DCC: variants seen among roughly 807,000 people sequenced by gnomAD.
DCC encodes the protein DCC netrin 1 receptor, also known as netrin receptor DCC.
DCC carries 58 observed loss-of-function variants against 172.5 expected under a neutral mutation model. The observed-to-expected ratio is 0.34, with a 90% CI of 0.27 to 0.42. The LOEUF (loss-of-function observed/expected upper bound fraction) is 0.42, where lower values mean the gene tolerates loss of function less well. Ranked by LOEUF, DCC falls within the 10% of genes least tolerant of loss-of-function variation. DCC has a pLI of 1.00. For missense variants in DCC, 1,740 were observed against 1,791.0 expected, an observed-to-expected ratio of 0.97 and a Z score of 0.51; for synonymous variants, 709 against 644.5, an observed-to-expected ratio of 1.10 and a Z score of -1.52.
chr18:53,009,565 CTTTT>C (rs112501372), intron 5 of DCC, among the ~76,000 whole-genome samples: 2 of 150,616 alleles, frequency 1.3e-5, no homozygotes, highest in African/African-American at 4.9e-5. Context: ...AGTTAGGTGA[CTTTT>C]TTTTTAGGCC....
intron 7 of DCC, among the ~76,000 whole-genome samples, chr18:53,069,272 G>A (rs750518799): frequency 5.3e-5 from 8 of 152,132 alleles, no homozygotes; most frequent in Admixed American, 2.6e-4. Context: ...AGTTGCTTTC[G>A]CCTCCACACT....
intron 1 of DCC, among the ~76,000 whole-genome samples, chr18:52,647,043 T>C (rs926440971): frequency 6.6e-6 from 1 of 152,236 alleles, no homozygotes; most frequent in Non-Finnish European, 1.5e-5. Context: ...ATGGGTTTTA[T>C]GAGTTCTGTG....
At chr18:53,000,723 A>G (rs2041552253) in intron 5 of DCC, among the ~76,000 whole-genome samples, 1 of 151,468 alleles carries the variant, frequency 6.6e-6, no homozygotes, top group African/African-American at 2.4e-5. Flanking sequence ...ACTCAGTCAG[A>G]GCCAGTAATA....
chr18:52,766,108 G>A (rs374425779), intron 2 of DCC, among the ~76,000 whole-genome samples: 20 of 152,258 alleles, frequency 1.3e-4, no homozygotes, highest in African/African-American at 3.4e-4. Context: ...AGAACCAGTC[G>A]GCCATTTTGG....
At chr18:52,518,300 G>T (rs988096016) in intron 1 of DCC, among the ~76,000 whole-genome samples, 1 of 152,182 alleles carries the variant, frequency 6.6e-6, no homozygotes, top group Non-Finnish European at 1.5e-5. Flanking sequence ...CCATGTGCTG[G>T]GAGGGGTCAG....
intron 9 of DCC, among the ~76,000 whole-genome samples, chr18:53,196,633 G>A (rs1385763217): frequency 6.6e-6 from 1 of 151,936 alleles, no homozygotes; most frequent in Non-Finnish European, 1.5e-5. Flanking sequence ...ATATACATAT[G>A]TGTGTACAAA....
chr18:52,435,353 C>G (rs1224881702), intron 1 of DCC, among the ~76,000 whole-genome samples: 1 of 152,040 alleles, frequency 6.6e-6, no homozygotes, highest in East Asian at 1.9e-4. Context: ...TCCCTTGTAC[C>G]CCACTTAGCC....
rs1322440368 is a variant in DCC at position 53,303,708 on chromosome 18, G to A, written c.1912-1870G>A. On this transcript the variant is annotated intron_variant, in intron 12 of 28. Coordinates refer to ENST00000442544, the MANE Select transcript of DCC (RefSeq NM_005215.4). ...AGCACTTTTGGTCTCTGAGCCCACAGTAGCATCTAGGGGTTGCTGTCTGTG... is the reference window on the plus strand; with the variant it reads ...AGCACTTTTGGTCTCTGAGCCCACAATAGCATCTAGGGGTTGCTGTCTGTG... Among the ~76,000 whole-genome samples the A allele has an allele frequency of 2.6e-5, 4 of 152,136 alleles. No individual in the cohort carries two copies. In the South Asian group the frequency reaches 8.3e-4, roughly 31 times the overall value.
intron 11 of DCC, among the ~76,000 whole-genome samples, chr18:53,209,008 A>G (rs113920742): frequency 1.3e-5 from 2 of 152,172 alleles, no homozygotes; most frequent in African/African-American, 4.8e-5. Context: ...TGGGATTACA[A>G]GCGTGAGCCA....
intron 1 of DCC, among the ~76,000 whole-genome samples, chr18:52,384,710 A>C (rs557871623): frequency 6.6e-6 from 1 of 152,286 alleles, no homozygotes; most frequent in South Asian, 2.1e-4. Context: ...TGATTCAGAA[A>C]TGGACTTTGT....
At chr18:53,373,493 A>G (rs1170565425) in intron 15 of DCC, among the ~76,000 whole-genome samples, 2 of 152,118 alleles carry the variant, frequency 1.3e-5, no homozygotes, top group Non-Finnish European at 2.9e-5. Flanking sequence ...TCCTAATGCT[A>G]TATTGTTTGT....
intron 5 of DCC, among the ~76,000 whole-genome samples, chr18:53,035,615 G>T (rs556608091): frequency 4.6e-5 from 7 of 152,048 alleles, no homozygotes; most frequent in African/African-American, 1.7e-4. Context: ...GCTCAAAGCC[G>T]CTTGCTTAAA....
At chr18:52,595,145 T>G (rs1476816177) in intron 1 of DCC, among the ~76,000 whole-genome samples, 2 of 152,212 alleles carry the variant, frequency 1.3e-5, no homozygotes, top group Non-Finnish European at 2.9e-5. Flanking sequence ...ATGGTCCTTC[T>G]CCTGGAAGGA....
intron 2 of DCC, among the ~76,000 whole-genome samples, chr18:52,767,638 A>G (rs2037274820): frequency 6.6e-6 from 1 of 152,224 alleles, no homozygotes; most frequent in Non-Finnish European, 1.5e-5. Context: ...CCGAAGGTCT[A>G]AATTTGTTTC....
At chr18:52,846,608 A>AACACACACAC (rs71175524) in intron 2 of DCC, among the ~76,000 whole-genome samples, 4,837 of 130,504 alleles carry the variant, frequency 0.037, 164 homozygotes, top group Non-Finnish European at 0.04. Context: ...TGCCACTCCA[A>AACACACACAC]ACACACACAC....
chr18:52,433,357 T>C (rs1456770150), intron 1 of DCC, among the ~76,000 whole-genome samples: 1 of 152,154 alleles, frequency 6.6e-6, no homozygotes, highest in Non-Finnish European at 1.5e-5. Flanking sequence ...ATCATTTGGG[T>C]GAGAAAGACA....
chr18:52,843,960 T>C (rs1463125238), intron 2 of DCC, among the ~76,000 whole-genome samples: 1 of 152,122 alleles, frequency 6.6e-6, no homozygotes, highest in Non-Finnish European at 1.5e-5. Context: ...ATTATTAGCA[T>C]GATATAGTAT....
At chr18:53,502,088 T>A (rs2046108189) in intron 27 of DCC, among the ~76,000 whole-genome samples, 1 of 152,188 alleles carries the variant, frequency 6.6e-6, no homozygotes, top group Non-Finnish European at 1.5e-5. Flanking sequence ...TCTCGTTTTC[T>A]TTTATTTTCA....
intron 1 of DCC, among the ~76,000 whole-genome samples, chr18:52,710,635 TA>T (rs2036278444): frequency 6.6e-6 from 1 of 152,242 alleles, no homozygotes; most frequent in African/African-American, 2.4e-5. Flanking sequence ...CATTTCTTCA[TA>T]TTTTACTGTA....
Sources: allele counts gnomAD v4.1 joint callset (sites outside exome capture counted in the v4.1 genomes callset), GRCh38; gene constraint gnomAD v4.1.1; transcripts MANE v1.5; gene names NCBI Gene and HGNC (gene_info 2026-07-23, HGNC 2026-07-21).